Variants in BUD13 observed in about 807,000 individuals in gnomAD.
BUD13 encodes the protein BUD13 spliceosome associated protein, also known as BUD13 homolog.
In BUD13, 47 loss-of-function variants were observed where a neutral mutation model predicts 62.5. That is an observed-to-expected ratio of 0.75 (90% CI 0.60 to 0.96). The LOEUF (loss-of-function observed/expected upper bound fraction) is 0.96, where lower values mean the gene tolerates loss of function less well. Among genes scored for constraint, BUD13 ranks in the 40% least tolerant of loss-of-function variants. The pLI is 0.00. For synonymous variants in BUD13, 293 were observed against 280.1 expected, an observed-to-expected ratio of 1.05 and a Z score of -0.46; for missense variants, 821 against 790.9, an observed-to-expected ratio of 1.04 and a Z score of -0.46.
At chr11:116,770,774 G>A (rs867115125) in intron 1 of BUD13, among the ~76,000 whole-genome samples, 19 of 150,220 alleles carry the variant, frequency 1.3e-4, no homozygotes, top group Admixed American at 8.6e-4. Flanking sequence ...GATTATAGGC[G>A]TGAGCCACCG....
intron 3 of BUD13, among the ~76,000 whole-genome samples, chr11:116,764,887 C>A (rs748403184): frequency 1.5e-4 from 23 of 152,086 alleles, no homozygotes; most frequent in Admixed American, 2.6e-4. Context: ...GGGTAATGCA[C>A]TATAAAACAC....
intron 2 of BUD13, among the ~76,000 whole-genome samples, chr11:116,767,590 CAAAAAAAAAAAAAA>C (rs57036085): frequency 1.2e-5 from 1 of 80,706 alleles, no homozygotes; most frequent in Non-Finnish European, 2.3e-5. Flanking sequence ...GAGACTCCAC[CAAAAAAAAAAAAAA>C]AAAAAAAAGA....
rs200949753 is a variant in BUD13, at chr11:116,763,033, C to G, written c.556G>C (p.Asp186His). Residue 186 changes from aspartate to histidine, a missense_variant, in exon 4 of 10, where the codon GAC becomes CAC. Around this residue, in one of 2 missense-constraint regions of BUD13, gnomAD observed 800 missense variants for 739.2 expected, o/e 1.08. Coordinates refer to ENST00000260210, the MANE Select transcript of BUD13 (RefSeq NM_032725.4). ...CGGGCCCTCCTTGGGGGTGAAGTGT[C>G]TGAGGAGTCATGACGGATCCTCCTG... Reference protein sequence around the residue: ...PPRRIRHDSSDTSPPRRARHD... With the variant: ...PPRRIRHDSSHTSPPRRARHD... The G allele has an allele frequency of 5.1e-5, 83 of 1,612,222 alleles. 1 individual carries two copies. Among genetic ancestry groups the G allele is most frequent in the South Asian group, 4.2e-4 (38 of 90,970 alleles).
intron 7 of BUD13, 140 bp from the exon 8 acceptor site, chr11:116,758,090 G>T: frequency 7.1e-7 from 1 of 1,400,024 alleles, no homozygotes. Flanking sequence ...AAAATTCCCA[G>T]AATACCCACT....
At position 116,765,572 on chromosome 11, in the gene BUD13, T is replaced by C. The variant is rs899257164; in HGVS notation, c.238-126A>G. 3.2e-6 allele frequency: 3 copies of C among 929,168 alleles called. No individual in the cohort carries two copies. In the African/African-American group the frequency reaches 4.9e-5, roughly 15 times the overall value. 57.6% of individuals were successfully genotyped at this position (929,168 alleles called of 1,614,324 possible). On this transcript the variant is annotated intron_variant, in intron 2 of 9. Transcript: ENST00000260210. ...AAGGGCGTACATATATCCAAAATGG[T>C]CATGAAGAAGTAAGTAGGGGTCTTC...
chr11:116,754,044 C>T (rs1026175265), intron 9 of BUD13, among the ~76,000 whole-genome samples: 2 of 152,144 alleles, frequency 1.3e-5, no homozygotes, highest in Non-Finnish European at 2.9e-5. Context: ...TAACAAATTT[C>T]ATTTTTATTA....
At chr11:116,757,731 A>C in intron 8 of BUD13, 35 bp downstream of exon 8, 1 of 1,585,426 alleles carries the variant, frequency 6.3e-7, no homozygotes, top group Non-Finnish European at 8.6e-7. Context: ...TCTCTTCACA[A>C]GTCACCTCCA....
At chr11:116,750,103 T>C (rs887073210) in intron 9 of BUD13, among the ~76,000 whole-genome samples, 3 of 152,180 alleles carry the variant, frequency 2.0e-5, no homozygotes, top group South Asian at 4.1e-4. Context: ...CATGTACATA[T>C]AGGTCATAGT....
At chr11:116,753,136 T>C (rs1940267668) in intron 9 of BUD13, among the ~76,000 whole-genome samples, 1 of 152,170 alleles carries the variant, frequency 6.6e-6, no homozygotes, top group African/African-American at 2.4e-5. Context: ...GGATGAAGTC[T>C]ATATGTGAAA....
At chr11:116,763,309 G>T in intron 3 of BUD13, 43 bp from the exon 4 acceptor site, 1 of 1,492,864 alleles carries the variant, frequency 6.7e-7, no homozygotes, top group Non-Finnish European at 9.0e-7. Flanking sequence ...CAAATGCTCT[G>T]TCCCTCTGTC....
intron 1 of BUD13, among the ~76,000 whole-genome samples, chr11:116,771,820 T>G (rs1251997638): frequency 6.6e-6 from 1 of 152,242 alleles, no homozygotes; most frequent in Non-Finnish European, 1.5e-5. Flanking sequence ...TTAGGGTTAC[T>G]GTAACAAAGT....
intron 2 of BUD13, among the ~76,000 whole-genome samples, chr11:116,766,360 T>C (rs190812667): frequency 6.6e-6 from 1 of 152,344 alleles, no homozygotes; most frequent in Admixed American, 6.5e-5. Context: ...GTTCAGTAAC[T>C]TTCTCAATGT....
chr11:116,751,943 C>T (rs1940242594), intron 9 of BUD13, among the ~76,000 whole-genome samples: 1 of 151,898 alleles, frequency 6.6e-6, no homozygotes, highest in African/African-American at 2.4e-5. Context: ...TTTATTGGGC[C>T]TCAGTTTCTC....
chr11:116,768,757 C>G (rs1013617847), intron 2 of BUD13, among the ~76,000 whole-genome samples: 1 of 151,876 alleles, frequency 6.6e-6, no homozygotes, highest in Non-Finnish European at 1.5e-5. Flanking sequence ...TAATCCCAGC[C>G]CTTCAGGAGG....
At chr11:116,760,989 C>T (rs753214569) in intron 4 of BUD13, 37 bp from the exon 5 acceptor site, 385 of 1,566,868 alleles carry the variant, frequency 2.5e-4, no homozygotes, top group Non-Finnish European at 3.3e-4. Context: ...ACTCTGATGT[C>T]CTCTAGGTGA....
chr11:116,758,208 G>A lies in BUD13; in HGVS notation c.1499+61C>T, dbSNP rs1344869129. The stretch of plus-strand genomic sequence containing the variant: ...AATAAGAAAGTGAGTGATCAGAAGA[G>A]CAGAGAAATGACTTGTTCCAGTCAC... On this transcript the variant is annotated intron_variant, in intron 7 of 9. Transcript: ENST00000260210. 5 of 1,596,954 alleles carry A rather than the reference G, an allele frequency of 3.1e-6. 1 individual carries two copies. The South Asian group carries it at 3.4e-5, about 11-fold the overall frequency.
chr11:116,763,731 T>C (rs1196173936), intron 3 of BUD13, among the ~76,000 whole-genome samples: 1 of 152,218 alleles, frequency 6.6e-6, no homozygotes, highest in Non-Finnish European at 1.5e-5. Flanking sequence ...ACTGATATTT[T>C]GCCTAGATAC....
chr11:116,757,017 A>G, intron 9 of BUD13, 129 bp downstream of exon 9: 1 of 803,310 alleles, frequency 1.2e-6, no homozygotes, highest in South Asian at 1.8e-5. Context: ...CCTCAGAAAA[A>G]GAAGCAAGCA....
intron 9 of BUD13, among the ~76,000 whole-genome samples, chr11:116,756,903 G>A (rs1437100259): frequency 6.6e-6 from 1 of 152,158 alleles, no homozygotes; most frequent in Non-Finnish European, 1.5e-5. Flanking sequence ...AACAAAGGGT[G>A]TCTTATCTGA....
Sources: gnomAD v4.1 joint callset for allele counts (sites outside exome capture counted in the v4.1 genomes callset) on GRCh38, gnomAD v4.1.1 for gene constraint, gnomAD v4.1.1 regional missense constraint, MANE v1.5 for transcripts, NCBI Gene and HGNC (gene_info 2026-07-23, HGNC 2026-07-21) for gene names.